The following DNAH14 variants were observed in gnomAD, a reference collection of about 807,000 sequenced individuals.
DNAH14 encodes dynein axonemal heavy chain 14, also known as axonemal beta dynein heavy chain 14.
In DNAH14, 478 loss-of-function variants were observed where a neutral mutation model predicts 520.9. The ratio of observed to expected loss-of-function variants is 0.92; its 90% CI spans 0.85 to 0.99. The LOEUF (loss-of-function observed/expected upper bound fraction) is 0.99. Ranked by LOEUF, DNAH14 falls within the 50% of genes least tolerant of loss-of-function variation. The probability of loss-of-function intolerance (pLI) is 0.00; values close to 1 mark genes in which losing one functional copy is unlikely to be tolerated. For missense variants in DNAH14, 4,831 were observed against 5,234.5 expected (o/e 0.92, Z 2.38); for synonymous variants, 1,581 against 1,757.2 (o/e 0.90, Z 2.51).
chr1:225,236,949 C>G (rs191061107), intron 42 of DNAH14, among the ~76,000 whole-genome samples: 1 of 152,192 alleles, frequency 6.6e-6, no homozygotes, highest in African/African-American at 2.4e-5. Context: ...TAATGCCCTT[C>G]TTTGTCTTTT....
At chr1:225,117,200 T>C (rs1353102969) in intron 23 of DNAH14, among the ~76,000 whole-genome samples, 1 of 152,052 alleles carries the variant, frequency 6.6e-6, no homozygotes, top group African/African-American at 2.4e-5. Context: ...GTGAGAAATA[T>C]AGAAATTCTC....
chr1:225,118,247 G>C (rs768915253), intron 25 of DNAH14: 5 of 511,122 alleles, frequency 9.8e-6, no homozygotes, highest in Non-Finnish European at 1.7e-5. Flanking sequence ...CTTACATTTT[G>C]TTCTGTCATT....
intron 31 of DNAH14, among the ~76,000 whole-genome samples, chr1:225,148,233 T>C (rs2080133676): frequency 6.6e-6 from 1 of 152,150 alleles, no homozygotes; most frequent in African/African-American, 2.4e-5. Context: ...ATAATGGAAC[T>C]AATTTACACT....
intron 1 of DNAH14, among the ~76,000 whole-genome samples, chr1:224,930,282 T>A (rs539781980): frequency 3.3e-5 from 5 of 152,192 alleles, no homozygotes; most frequent in Admixed American, 1.3e-4. Context: ...TGTAGAGATA[T>A]AACTTTTCTA....
chr1:225,230,266 G>A (rs2090973827), intron 41 of DNAH14, among the ~76,000 whole-genome samples: 1 of 152,046 alleles, frequency 6.6e-6, no homozygotes, highest in Non-Finnish European at 1.5e-5. Flanking sequence ...TTTTTCAAAA[G>A]ATTATTAATA....
chr1:225,293,267 T>C lies in DNAH14; in HGVS notation c.8469+3185T>C, dbSNP rs1574570667. Among the ~76,000 whole-genome samples the C allele has an allele frequency of 2.0e-5, 3 of 152,272 alleles. No homozygotes were observed. The East Asian group carries it at 5.8e-4, about 29-fold the overall frequency. ...GCCACTGTGGAAGACATTGTGTCAG[T>C]TCCTCAGAGACCTAAAGACAGAAAT... is the stretch of plus-strand genomic sequence containing the variant. On this transcript the variant is annotated intron_variant, in intron 55 of 85. Coordinates refer to ENST00000682510, the MANE Select transcript of DNAH14 (RefSeq NM_001367479.1).
chr1:225,205,991 A>G lies in DNAH14; in HGVS notation c.5998A>G (p.Ile2000Val), dbSNP rs541613135. 13 of 1,551,598 alleles carry G rather than the reference A, an allele frequency of 8.4e-6. No homozygotes were observed. In the South Asian group the frequency reaches 1.3e-4, roughly 16 times the overall value. Residue 2000 changes from isoleucine (I) to valine (V), a missense_variant, in exon 40 of 86, where the codon ATC becomes GTC. Coordinates refer to ENST00000682510, the MANE Select transcript of DNAH14 (RefSeq NM_001367479.1). ...ENHNFDWQWI[I>V]LDGPVDTFWV... ...TCCAGATTTTGATTGGCAGTGGATT[A>G]TCCTAGATGGCCCAGTGGACACCTT...
chr1:225,242,381 T>A (rs1004448367), intron 43 of DNAH14, among the ~76,000 whole-genome samples: 7 of 152,212 alleles, frequency 4.6e-5, no homozygotes, highest in African/African-American at 7.2e-5. Context: ...ATTTTCTTGA[T>A]ATCTTTATTC....
chr1:225,374,930 GT>G, intron 78 of DNAH14, 45 bp downstream of exon 78: 1 of 1,452,680 alleles, frequency 6.9e-7, no homozygotes, highest in Non-Finnish European at 9.2e-7. Flanking sequence ...TAATTTTAAA[GT>G]AAACATTGTT....
chr1:225,055,527 TTTTA>T (rs140615240), intron 17 of DNAH14, among the ~76,000 whole-genome samples: 7,962 of 152,000 alleles, frequency 0.052, 608 homozygotes, highest in African/African-American at 0.17. Flanking sequence ...ATTTTTTTAT[TTTTA>T]TTTATTTATT....
At chr1:225,155,106 G>T (rs748646521) in intron 34 of DNAH14, among the ~76,000 whole-genome samples, 5 of 152,046 alleles carry the variant, frequency 3.3e-5, no homozygotes, top group Non-Finnish European at 4.4e-5. Flanking sequence ...TTAACAGATG[G>T]ACAAAAATAT....
At chr1:224,995,343 T>C (rs749310413) in intron 8 of DNAH14, among the ~76,000 whole-genome samples, 1 of 152,134 alleles carries the variant, frequency 6.6e-6, no homozygotes, top group Non-Finnish European at 1.5e-5. Context: ...TGTTTTTTTT[T>C]CCCCCTTAGC....
chr1:225,389,273 G>A (rs1475856844), intron 82 of DNAH14, among the ~76,000 whole-genome samples: 1 of 152,104 alleles, frequency 6.6e-6, no homozygotes, highest in Non-Finnish European at 1.5e-5. Flanking sequence ...TGAGTCCAAG[G>A]ACATGAAGTG....
chr1:225,038,999 C>T (rs886129085), intron 12 of DNAH14, among the ~76,000 whole-genome samples, 176 bp downstream of exon 12: 7 of 152,128 alleles, frequency 4.6e-5, no homozygotes, highest in African/African-American at 1.7e-4. Flanking sequence ...ACACTTATCT[C>T]ATTTAGTTCA....
intron 73 of DNAH14, among the ~76,000 whole-genome samples, chr1:225,356,114 AG>A (rs1429014476): frequency 9.2e-5 from 14 of 152,134 alleles, no homozygotes; most frequent in Non-Finnish European, 1.8e-4. Flanking sequence ...GAGACAACAA[AG>A]GTTTGTTTCT....
At chr1:225,375,210 C>T (rs924543783) in intron 78 of DNAH14, among the ~76,000 whole-genome samples, 4 of 152,124 alleles carry the variant, frequency 2.6e-5, no homozygotes, top group Non-Finnish European at 5.9e-5. Context: ...CTCAAAATAA[C>T]CATGGGGAAT....
chr1:225,026,810 T>G (rs1460211717), intron 11 of DNAH14, among the ~76,000 whole-genome samples: 1 of 152,164 alleles, frequency 6.6e-6, no homozygotes, highest in Non-Finnish European at 1.5e-5. Context: ...AGCTAGAATT[T>G]TGATAGAGGC....
chr1:224,999,044 G>C (rs929835894), intron 8 of DNAH14, among the ~76,000 whole-genome samples: 2 of 151,568 alleles, frequency 1.3e-5, no homozygotes, highest in Non-Finnish European at 2.9e-5. Context: ...CTTTGTTCTG[G>C]TAGTTTCTTT....
chr1:225,362,075 G>A (rs779402442), intron 75 of DNAH14, among the ~76,000 whole-genome samples: 1 of 152,118 alleles, frequency 6.6e-6, no homozygotes, highest in Admixed American at 6.5e-5. Context: ...CTAGGCACAG[G>A]GGACACACCA....
Sources: gnomAD v4.1 joint callset for allele counts (sites outside exome capture counted in the v4.1 genomes callset) on GRCh38, gnomAD v4.1.1 for gene constraint, MANE v1.5 for transcripts, NCBI Gene and HGNC (gene_info 2026-07-23, HGNC 2026-07-21) for gene names.